The following RUFY3 variants were observed in gnomAD, a reference collection of about 807,000 sequenced individuals.
RUFY3 encodes RUN and FYVE domain containing 3.
RUFY3 carries 34 observed loss-of-function variants against 84.0 expected under a neutral mutation model. The observed-to-expected ratio is 0.40, with a 90% CI of 0.31 to 0.54. The LOEUF is 0.54. Ranked by LOEUF, RUFY3 falls within the 20% of genes least tolerant of loss-of-function variation. The pLI is 0.39. For missense variants in RUFY3, 507 were observed against 736.8 expected, an observed-to-expected ratio of 0.69 and a Z score of 3.61; for synonymous variants, 242 against 252.9, an observed-to-expected ratio of 0.96 and a Z score of 0.41.
intron 6 of RUFY3, 54 bp from the exon 7 acceptor site, chr4:70,775,114 C>A: frequency 7.3e-7 from 1 of 1,370,104 alleles, no homozygotes; most frequent in Non-Finnish European, 1.0e-6. Flanking sequence ...GGGTTGGGAT[C>A]TTGGTATTTC....
At chr4:70,764,699 A>G in intron 4 of RUFY3, 123 bp downstream of exon 4, 1 of 606,344 alleles carries the variant, frequency 1.6e-6, no homozygotes. Context: ...CTTCACTGAT[A>G]CTTTCTCTCA....
intron 1 of RUFY3, among the ~76,000 whole-genome samples, chr4:70,715,447 G>T (rs527413595): frequency 1.3e-5 from 2 of 151,282 alleles, no homozygotes; most frequent in South Asian, 4.2e-4. Flanking sequence ...AGCCAGGTCC[G>T]GTGGTGTGTG....
intron 1 of RUFY3, among the ~76,000 whole-genome samples, chr4:70,715,588 C>CAAA (rs886636641): frequency 5.6e-4 from 26 of 46,588 alleles, no homozygotes; most frequent in East Asian, 8.2e-4. Context: ...ACACTATCTC[C>CAAA]AAAAAAAAAA....
chr4:70,733,081 G>C (rs1408646837), intron 1 of RUFY3, among the ~76,000 whole-genome samples: 1 of 94,008 alleles, frequency 1.1e-5, no homozygotes, highest in Non-Finnish European at 2.0e-5. Context: ...GAAAGAGAGA[G>C]AGAGAGAGAG....
At position 70,768,616 on chromosome 4, in the gene RUFY3, C is replaced by T. The variant is rs1578147995; in HGVS notation, c.651C>T (p.Val217=). The part of the protein sequence containing the change: ...IIAGLLVGLN[V]IDANFCMKGE... ...CTGGTCTGTTGGTGGGTCTGAATGT[C>T]ATTGATGCCAATTTCTGTATGAAAG... Residue 217 remains valine (V), a synonymous_variant, in exon 5 of 18, where the codon GTC becomes GTT. Coordinates refer to ENST00000381006, the MANE Select transcript of RUFY3 (RefSeq NM_001037442.4). 6.2e-7 allele frequency: 1 copy of T among 1,613,914 alleles called. No individual in the cohort carries two copies. Among genetic ancestry groups the T allele is most frequent in the East Asian group, 2.2e-5 (1 of 44,866 alleles).
rs149107016 is a variant in RUFY3 at position 70,793,832 on chromosome 4, G to A, written c.1385G>A (p.Arg462Gln). 94 of 1,614,064 alleles carry A rather than the reference G, an allele frequency of 5.8e-5. No homozygotes were observed. The Middle Eastern group carries it at 8.3e-4, about 14-fold the overall frequency. Residue 462 changes from arginine to glutamine, a missense_variant, in exon 13 of 18, where the codon CGG becomes CAG. By Grantham distance (43) the Arg-to-Gln change is conservative. Transcript: ENST00000381006. ...RSRQSAELDN[R>Q]LFKQDFGDKI... ...CGCCAATCTGCTGAGTTGGACAACC[G>A]GCTCTTCAAACAGGACTTTGGAGAC...
chr4:70,797,670 C>G (rs915081251), intron 14 of RUFY3, among the ~76,000 whole-genome samples: 3 of 151,870 alleles, frequency 2.0e-5, no homozygotes, highest in Non-Finnish European at 4.4e-5. Flanking sequence ...TGGTGAAACC[C>G]TGTCTCTACT....
rs1167574489 is a variant in RUFY3, at chr4:70,808,430, T to C, written c.*1771T>C. On this transcript the variant is annotated 3_prime_UTR_variant, in exon 18 of 18. Transcript: ENST00000381006. Reference sequence around the variant, plus strand: ...ATTCTAATCAAGACCTAAGAAGGTATGATTCTGTGACTGATTTAGAATTCT... The same window carrying C: ...ATTCTAATCAAGACCTAAGAAGGTACGATTCTGTGACTGATTTAGAATTCT... Among the ~76,000 whole-genome samples the C allele has an allele frequency of 6.6e-6, 1 of 152,220 alleles. No individual in the cohort carries two copies. The highest frequency in any genetic ancestry group is 1.5e-5 in the Non-Finnish European group (1 of 68,042).
At position 70,773,558 on chromosome 4, in the gene RUFY3, T is replaced by G; in HGVS notation, c.744T>G (p.Ser248Arg). The change falls in exon 6 of 18, where the codon AGT becomes AGG. Residue 248 changes from serine to arginine, a missense_variant. Transcript: ENST00000381006. The stretch of plus-strand genomic sequence containing the variant: ...TGTATCTCAAGGACGGGAACAGCAG[T>G]AAAGGTACTGAAGGGTACGTACAAA... ...FSMYLKDGNS[S>R]KGTEGDGQIT... 1 of 1,610,332 alleles carries G rather than the reference T, an allele frequency of 6.2e-7. No homozygotes were observed. The highest frequency in any genetic ancestry group is 8.5e-7 in the Non-Finnish European group (1 of 1,176,722).
intron 1 of RUFY3, among the ~76,000 whole-genome samples, chr4:70,749,579 T>C (rs1722791987): frequency 6.6e-6 from 1 of 151,872 alleles, no homozygotes; most frequent in South Asian, 2.1e-4. Flanking sequence ...TAGTTTCTTC[T>C]TACCTTCTTA....
At chr4:70,730,714 G>T (rs1044750081) in intron 1 of RUFY3, among the ~76,000 whole-genome samples, 5 of 152,044 alleles carry the variant, frequency 3.3e-5, no homozygotes, top group African/African-American at 1.2e-4. Context: ...ACTCACTCCA[G>T]CCTGGGCGAC....
chr4:70,794,992 C>CT, intron 14 of RUFY3, 98 bp downstream of exon 14: 2 of 783,144 alleles, frequency 2.6e-6, no homozygotes, highest in Non-Finnish European at 2.2e-6. Flanking sequence ...AGATCACATA[C>CT]TTAGTGGCTG....
intron 9 of RUFY3, among the ~76,000 whole-genome samples, chr4:70,784,458 G>A (rs1480393290): frequency 6.6e-6 from 1 of 151,954 alleles, no homozygotes; most frequent in African/African-American, 2.4e-5. Context: ...AGTCCAGCCT[G>A]GGCGACAGAG....
chr4:70,793,669 C>A, intron 12 of RUFY3, 116 bp from the exon 13 acceptor site: 1 of 1,567,770 alleles, frequency 6.4e-7, no homozygotes, highest in Non-Finnish European at 8.6e-7. Context: ...TTTTTTTCCT[C>A]TCTCTGTCTC....
rs1478047195 is a variant in RUFY3 at position 70,773,447 on chromosome 4, C to T, written c.697-64C>T. On this transcript the variant is annotated intron_variant, in intron 5 of 17. Transcript: ENST00000381006. ...ACTGTTTTGAGTGCCTAGAAGGAGA[C>T]ATTGTGTTATGCCTTGTAAAGAATA... The T allele has an allele frequency of 2.0e-5, 22 of 1,123,292 alleles. No homozygotes were observed. In the Admixed American group the frequency reaches 3.8e-4, roughly 19 times the overall value. The allele number at this position is 1,123,292 out of a possible 1,614,324, so 69.6% of individuals were successfully genotyped here.
upstream of RUFY3, among the ~76,000 whole-genome samples, chr4:70,720,408 T>C (rs558601334): frequency 6.6e-6 from 1 of 152,306 alleles, no homozygotes; most frequent in South Asian, 2.1e-4. Flanking sequence ...GGTCTCGAAC[T>C]CCTGACCTCA....
chr4:70,705,299 G>T lies in RUFY3; in HGVS notation c.358+5G>T. 1 of 1,397,582 alleles carries T rather than the reference G, an allele frequency of 7.2e-7. No homozygotes were observed. The allele number at this position is 1,397,582 out of a possible 1,614,324, so 86.6% of individuals were successfully genotyped here. Reference sequence around the variant, plus strand: ...GCAGCGGCAGCGGCAAGCACCGTGAGTGGCGGAGGGGCATGGGGACGCCCG... The same window carrying T: ...GCAGCGGCAGCGGCAAGCACCGTGATTGGCGGAGGGGCATGGGGACGCCCG... On this transcript the variant is annotated splice_donor_5th_base_variant and intron_variant, in intron 1 of 11. Coordinates refer to the RUFY3 transcript ENST00000417478.
chr4:70,703,819 G>C (rs1327101507), upstream of RUFY3: 1 of 152,194 alleles, frequency 6.6e-6, no homozygotes, highest in Non-Finnish European at 1.5e-5. Context: ...CTCTACACAG[G>C]GAAGGGCTGA....
chr4:70,764,389 T>C lies in RUFY3; in HGVS notation c.471-86T>C, dbSNP rs1725494497. On this transcript the variant is annotated intron_variant, in intron 3 of 17. Transcript: ENST00000381006. ...GTGTGCTTGTTACACTGGAATACCA[T>C]TAGCAAGAATAAGTGAACTGATTCT... The C allele has an allele frequency of 3.4e-6, 3 of 892,250 alleles. No individual in the cohort carries two copies. The East Asian group carries it at 7.2e-5, about 22-fold the overall frequency. The allele number at this position is 892,250 out of a possible 1,614,324, so 55.3% of individuals were successfully genotyped here. A position where few individuals can be genotyped will look rare whatever the true frequency, so the allele number is the denominator to read the frequency against.
Sources: allele counts gnomAD v4.1 joint callset (sites outside exome capture counted in the v4.1 genomes callset), GRCh38; gene constraint gnomAD v4.1.1; transcripts MANE v1.5; gene names NCBI Gene and HGNC (gene_info 2026-07-23, HGNC 2026-07-21).